Variants in SRBD1 observed in about 807,000 individuals in gnomAD.
The protein encoded by SRBD1 is S1 RNA-binding domain-containing protein 1.
Under a neutral mutation model 115.3 loss-of-function variants are expected in SRBD1, and 88 were observed. The ratio of observed to expected loss-of-function variants is 0.76; its 90% CI spans 0.64 to 0.91. SRBD1 has a LOEUF of 0.91. SRBD1 is among the 40% of genes least tolerant of loss of function. SRBD1 has a pLI of 0.00. For synonymous variants in SRBD1, 509 were observed against 407.7 expected (o/e 1.25, Z -2.99); for missense variants, 1,385 against 1,177.4 (o/e 1.18, Z -2.58).
chr2:45,466,141 T>A (rs1231248145), intron 16 of SRBD1, among the ~76,000 whole-genome samples: 1 of 152,174 alleles, frequency 6.6e-6, no homozygotes, highest in Non-Finnish European at 1.5e-5. Flanking sequence ...TTCAGACACT[T>A]AACACTAGCT....
chr2:45,495,853 T>C (rs946360266), intron 14 of SRBD1, among the ~76,000 whole-genome samples: 1 of 152,204 alleles, frequency 6.6e-6, no homozygotes, highest in Non-Finnish European at 1.5e-5. Context: ...TCTAATTTTA[T>C]AATTAAAATG....
At chr2:45,555,713 CG>C (rs1326612701) in intron 10 of SRBD1, among the ~76,000 whole-genome samples, 4 of 152,114 alleles carry the variant, frequency 2.6e-5, no homozygotes, top group Admixed American at 6.5e-5. Flanking sequence ...AGGATGGTCT[CG>C]ATCTCCTGAC....
intron 9 of SRBD1, among the ~76,000 whole-genome samples, chr2:45,571,841 G>C (rs1558486586): frequency 6.6e-6 from 1 of 151,630 alleles, no homozygotes; most frequent in African/African-American, 2.4e-5. Context: ...TACAGTCAGA[G>C]AAAAAAGAAA....
rs1443702551 is a variant in SRBD1, at chr2:45,585,893, G to GT, written c.649-120dup. On this transcript the variant is annotated intron_variant, in intron 4 of 20. Coordinates refer to ENST00000263736, the MANE Select transcript of SRBD1 (RefSeq NM_018079.5). Reference sequence around the variant, plus strand: ...AGTGACTTAGAAACTACTTGCTATAGTTTTTTAAAAAAAAGAAAGCCATAT... The same window carrying GT: ...AGTGACTTAGAAACTACTTGCTATAGTTTTTTTAAAAAAAAGAAAGCCATAT... The GT allele has an allele frequency of 1.6e-5, 12 of 729,132 alleles. 1 individual carries two copies. The South Asian group carries it at 1.8e-4, about 11-fold the overall frequency. 45.2% of individuals were successfully genotyped at this position (729,132 alleles called of 1,614,324 possible). A position where few individuals can be genotyped will look rare whatever the true frequency, so the allele number is the denominator to read the frequency against.
intron 20 of SRBD1, 36 bp from the exon 21 acceptor site, chr2:45,389,635 T>C (rs372177707): frequency 5.0e-6 from 8 of 1,585,638 alleles, no homozygotes; most frequent in East Asian, 2.2e-5. Flanking sequence ...AATAAGGCAT[T>C]GTACTTCCTA....
intron 17 of SRBD1, 88 bp downstream of exon 17, chr2:45,419,700 A>G (rs923804538): frequency 8.9e-7 from 1 of 1,117,400 alleles, no homozygotes; most frequent in Non-Finnish European, 1.4e-6. Context: ...ACAACTTTAT[A>G]CACGTGTTCC....
At chr2:45,524,171 T>C (rs1223598105) in intron 14 of SRBD1, among the ~76,000 whole-genome samples, 1 of 152,002 alleles carries the variant, frequency 6.6e-6, no homozygotes, top group African/African-American at 2.4e-5. Context: ...GTAAAAAGCA[T>C]GTAGGAAAAA....
At chr2:45,493,266 C>A (rs1670353901) in intron 14 of SRBD1, among the ~76,000 whole-genome samples, 1 of 152,094 alleles carries the variant, frequency 6.6e-6, no homozygotes, top group Non-Finnish European at 1.5e-5. Flanking sequence ...AAAACATGAA[C>A]CAACATAAAT....
rs1401815118 is a variant in SRBD1, at chr2:45,547,535, A to C, written c.1753T>G (p.Leu585Val). 2.5e-6 allele frequency: 4 copies of C among 1,613,778 alleles called. No individual in the cohort carries two copies. Among genetic ancestry groups the C allele is most frequent in the Non-Finnish European group, 3.4e-6 (4 of 1,179,768 alleles). Residue 585 changes from leucine to valine, a missense_variant, in exon 13 of 21, where the codon TTG (leucine) becomes GTG (valine). Leu to Val is a conservative substitution (Grantham distance 32). Coordinates refer to ENST00000263736, the MANE Select transcript of SRBD1 (RefSeq NM_018079.5). ...FREAEKIKTLLLNFNCSTVVI... is the reference protein window; with the variant it reads ...FREAEKIKTLVLNFNCSTVVI... ...TTATTTTCATACTTGAAATTCAGCA[A>C]AAGTGTCTTTATTTTCTCCGCCTCT...
rs1319274387 is a variant in SRBD1 at position 45,410,094 on chromosome 2, T to C, written c.2513+3020A>G. ...ATAATTCAATTAGAAAATGGCCAAATAATATGAACAAATATTTCACAAAGA... is the reference window on the plus strand; with the variant it reads ...ATAATTCAATTAGAAAATGGCCAAACAATATGAACAAATATTTCACAAAGA... On this transcript the variant is annotated intron_variant, in intron 19 of 20. Transcript: ENST00000263736. Among the ~76,000 whole-genome samples, 4 of 152,130 alleles carry C rather than the reference T, an allele frequency of 2.6e-5. No homozygotes were observed. In the East Asian group the frequency reaches 7.7e-4, roughly 29 times the overall value.
At chr2:45,585,832 G>A (rs1673504442) in intron 4 of SRBD1, 58 bp from the exon 5 acceptor site, 3 of 1,351,178 alleles carry the variant, frequency 2.2e-6, no homozygotes, top group African/African-American at 1.5e-5. Context: ...TCTATATCAT[G>A]TATAATTTAA....
intron 16 of SRBD1, among the ~76,000 whole-genome samples, chr2:45,452,566 T>C (rs1669027977): frequency 6.6e-6 from 1 of 152,000 alleles, no homozygotes; most frequent in South Asian, 2.1e-4. Context: ...TCATCCTAAT[T>C]TGAATAAATG....
chr2:45,394,666 C>A (rs1160000632), intron 19 of SRBD1, among the ~76,000 whole-genome samples: 1 of 152,200 alleles, frequency 6.6e-6, no homozygotes, highest in Non-Finnish European at 1.5e-5. Flanking sequence ...TAATAATAAT[C>A]TGGCATCTAG....
intron 16 of SRBD1, among the ~76,000 whole-genome samples, chr2:45,430,160 AC>A (rs1172787912): frequency 6.6e-6 from 1 of 152,216 alleles, no homozygotes; most frequent in African/African-American, 2.4e-5. Flanking sequence ...ACAGAAAAAA[AC>A]ATTCCATGCT....
chr2:45,601,642 G>A (rs1674094706), intron 3 of SRBD1, among the ~76,000 whole-genome samples: 2 of 152,172 alleles, frequency 1.3e-5, no homozygotes, highest in Non-Finnish European at 2.9e-5. Flanking sequence ...CACATTGCCT[G>A]GCTAATGGTA....
At chr2:45,537,893 TAAGA>T (rs1275373673) in intron 14 of SRBD1, among the ~76,000 whole-genome samples, 1 of 151,822 alleles carries the variant, frequency 6.6e-6, no homozygotes, top group Non-Finnish European at 1.5e-5. Context: ...CAAGGATGGG[TAAGA>T]AAGAGAATAG....
At chr2:45,546,242 A>G (rs1018018010) in intron 14 of SRBD1, 1 of 985,308 alleles carries the variant, frequency 1.0e-6, no homozygotes, top group African/African-American at 1.7e-5. Context: ...GTATGCCTAT[A>G]TGAAATAAAA....
chr2:45,533,708 G>A (rs1021650774), intron 14 of SRBD1, among the ~76,000 whole-genome samples: 14 of 151,922 alleles, frequency 9.2e-5, no homozygotes, highest in African/African-American at 3.1e-4. Flanking sequence ...CACTTCTAAA[G>A]GTTATCAAAA....
At chr2:45,604,390 G>A (rs1459843126) in intron 2 of SRBD1, among the ~76,000 whole-genome samples, 1 of 150,182 alleles carries the variant, frequency 6.7e-6, no homozygotes, top group African/African-American at 2.5e-5. Flanking sequence ...GGGAAGGGGG[G>A]TGGAGGAAGG....
Sources: gnomAD v4.1 joint callset for allele counts (sites outside exome capture counted in the v4.1 genomes callset) on GRCh38, gnomAD v4.1.1 for gene constraint, MANE v1.5 for transcripts, NCBI Gene and HGNC (gene_info 2026-07-23, HGNC 2026-07-21) for gene names.